The following ESRRG variants were observed in gnomAD, a reference collection of about 807,000 sequenced individuals.
ESRRG encodes estrogen related receptor gamma.
In ESRRG, 13 loss-of-function variants were observed where a neutral mutation model predicts 44.0. The observed-to-expected ratio is 0.30, with a 90% CI of 0.19 to 0.47. The LOEUF is 0.47. ESRRG is among the 20% of genes least tolerant of loss of function. The probability of loss-of-function intolerance (pLI) is 1.00; values close to 1 mark genes in which losing one functional copy is unlikely to be tolerated. For missense variants in ESRRG, 395 were observed against 580.6 expected, an observed-to-expected ratio of 0.68 and a Z score of 3.29; for synonymous variants, 215 against 214.6, an observed-to-expected ratio of 1.00 and a Z score of -0.02.
At chr1:216,908,067 CTAA>C (rs1345221632) in intron 2 of ESRRG, among the ~76,000 whole-genome samples, 2 of 152,260 alleles carry the variant, frequency 1.3e-5, no homozygotes, top group Admixed American at 1.3e-4. Flanking sequence ...ATGTTCTTTC[CTAA>C]TGAGAAAAAC....
chr1:216,815,487 A>G (rs1342634611), intron 2 of ESRRG, among the ~76,000 whole-genome samples: 1 of 152,078 alleles, frequency 6.6e-6, no homozygotes, highest in Non-Finnish European at 1.5e-5. Context: ...TATGCTACAC[A>G]CCTAATCCAG....
intron 1 of ESRRG, among the ~76,000 whole-genome samples, chr1:217,075,240 C>A (rs1356210807): frequency 6.6e-6 from 1 of 152,210 alleles, no homozygotes; most frequent in Non-Finnish European, 1.5e-5. Flanking sequence ...GACACTTACT[C>A]TGCCAGACAC....
intron 1 of ESRRG, among the ~76,000 whole-genome samples, chr1:217,019,731 C>T (rs575345344): frequency 2.0e-5 from 3 of 152,164 alleles, no homozygotes; most frequent in Non-Finnish European, 4.4e-5. Flanking sequence ...TTTCTTTTTA[C>T]ATTAGGAAGA....
At chr1:216,564,472 C>A in intron 4 of ESRRG, 92 bp from the exon 5 acceptor site, 1 of 967,130 alleles carries the variant, frequency 1.0e-6, no homozygotes, top group Non-Finnish European at 1.5e-6. Context: ...AAAAACAATC[C>A]AAATATCCTA....
intron 2 of ESRRG, among the ~76,000 whole-genome samples, chr1:216,896,494 G>C (rs986237196): frequency 1.3e-5 from 2 of 152,134 alleles, no homozygotes; most frequent in Non-Finnish European, 2.9e-5. Flanking sequence ...AGATTGTTAG[G>C]GGGAGCTGCA....
intron 1 of ESRRG, among the ~76,000 whole-genome samples, chr1:217,041,331 C>G (rs545126948): frequency 2.6e-5 from 4 of 152,248 alleles, no homozygotes; most frequent in East Asian, 1.9e-4. Flanking sequence ...TGATACAAGA[C>G]AGCAAATGCA....
chr1:216,978,892 T>C (rs998888586), intron 1 of ESRRG, among the ~76,000 whole-genome samples: 5 of 152,166 alleles, frequency 3.3e-5, no homozygotes, highest in Non-Finnish European at 7.4e-5. Flanking sequence ...TTCTGGGAGC[T>C]GATCAGGCTA....
intron 1 of ESRRG, among the ~76,000 whole-genome samples, chr1:217,106,287 G>A (rs1558267484): frequency 6.6e-6 from 1 of 152,178 alleles, no homozygotes; most frequent in South Asian, 2.1e-4. Context: ...ATGGCAACAT[G>A]AATGAAGGTC....
intron 1 of ESRRG, among the ~76,000 whole-genome samples, chr1:216,682,781 G>C (rs1257697487): frequency 6.9e-6 from 1 of 145,758 alleles, no homozygotes; most frequent in Non-Finnish European, 1.5e-5. Flanking sequence ...TAGTGTTGCA[G>C]CTCCCGGAGG....
At chr1:216,703,748 TG>T (rs1204470311) in intron 1 of ESRRG, among the ~76,000 whole-genome samples, 2 of 151,488 alleles carry the variant, frequency 1.3e-5, no homozygotes, top group African/African-American at 4.9e-5. Flanking sequence ...TTGTTGAATG[TG>T]GGGGTGGGAA....
chr1:216,726,497 T>C (rs12092631), upstream of ESRRG, among the ~76,000 whole-genome samples: 3,158 of 152,110 alleles, frequency 0.021, 112 homozygotes, highest in African/African-American at 0.072. Context: ...ATACTGAGCT[T>C]AAACCTTCAA....
chr1:216,564,297 T>G lies in ESRRG; in HGVS notation c.784A>C (p.Ile262Leu). The G allele has an allele frequency of 6.2e-7, 1 of 1,611,870 alleles. No individual in the cohort carries two copies. Among genetic ancestry groups the G allele is most frequent in the South Asian group, 1.1e-5 (1 of 90,916 alleles). Residue 262 changes from isoleucine (I) to leucine (L), a missense_variant, in exon 5 of 7, where the codon ATC (isoleucine) becomes CTC (leucine). By Grantham distance (5) the Ile-to-Leu change is conservative (BLOSUM62 2). Coordinates refer to ENST00000408911, the MANE Select transcript of ESRRG (RefSeq NM_001438.4). The part of the protein sequence containing the change: ...MPDPTVPDSD[I>L]KALTTLCDLA... Reference sequence around the variant, plus strand: ...TCACACAGTGTAGTGAGGGCTTTGATGTCACTGTCGGGGACAGTAGGGTCA... The same window carrying G: ...TCACACAGTGTAGTGAGGGCTTTGAGGTCACTGTCGGGGACAGTAGGGTCA...
In ESRRG at chr1:216,639,743, G is replaced by A. The variant is rs539095969; in HGVS notation, c.589+11230C>T. ...TGTAATTCTTGAGAAAAATAGGAAA[G>A]GGATTTTGATCCTAGATACACATAA... On this transcript the variant is annotated intron_variant, in intron 3 of 6. Transcript: ENST00000408911. Among the ~76,000 whole-genome samples, 13 of 152,260 alleles carry A rather than the reference G, an allele frequency of 8.5e-5. No homozygotes were observed. In the East Asian group the frequency reaches 2.5e-3, roughly 29 times the overall value.
chr1:217,022,352 G>C (rs2080459540), intron 1 of ESRRG, among the ~76,000 whole-genome samples: 2 of 152,174 alleles, frequency 1.3e-5, no homozygotes, highest in Non-Finnish European at 2.9e-5. Flanking sequence ...GCTTTATCCA[G>C]ACCCACATCA....
chr1:216,985,623 G>A (rs1410093038), intron 1 of ESRRG: 3 of 152,184 alleles, frequency 2.0e-5, no homozygotes, highest in Non-Finnish European at 4.4e-5. Context: ...GTAAGACAAT[G>A]TTGGTCAAGT....
chr1:216,508,297 A>G (rs2041762274), intron 6 of ESRRG, among the ~76,000 whole-genome samples: 2 of 152,176 alleles, frequency 1.3e-5, no homozygotes, highest in African/African-American at 4.8e-5. Context: ...ATTTATTTGT[A>G]TTTTGTTTAG....
chr1:216,529,565 T>A (rs2048678613), intron 5 of ESRRG, among the ~76,000 whole-genome samples: 1 of 151,862 alleles, frequency 6.6e-6, no homozygotes, highest in South Asian at 2.1e-4. Context: ...TCTTTAAAGC[T>A]GTCGAAGAGG....
intron 1 of ESRRG, among the ~76,000 whole-genome samples, chr1:217,051,273 T>A (rs1267451225): frequency 1.3e-5 from 2 of 149,758 alleles, no homozygotes; most frequent in East Asian, 4.1e-4. Flanking sequence ...AGGGTTTCCC[T>A]TTAGGTATTA....
intron 2 of ESRRG, among the ~76,000 whole-genome samples, chr1:216,865,588 G>A (rs971897796): frequency 1.1e-4 from 17 of 152,116 alleles, no homozygotes; most frequent in Admixed American, 6.6e-5. Flanking sequence ...AGAGGGAAAA[G>A]GAGTAAACTT....
Sources: allele counts gnomAD v4.1 joint callset (sites outside exome capture counted in the v4.1 genomes callset), GRCh38; gene constraint gnomAD v4.1.1; transcripts MANE v1.5; gene names NCBI Gene and HGNC (gene_info 2026-07-23, HGNC 2026-07-21).